SLIT3: variants seen among roughly 807,000 people sequenced by gnomAD.
The protein encoded by SLIT3 is slit homolog 3 protein.
Under a neutral mutation model 184.0 loss-of-function variants are expected in SLIT3, and 68 were observed. The observed-to-expected ratio is 0.37, with a 90% CI of 0.30 to 0.45. The LOEUF (loss-of-function observed/expected upper bound fraction) is 0.45, where lower values mean the gene tolerates loss of function less well. Among genes scored for constraint, SLIT3 ranks in the 20% least tolerant of loss-of-function variants. The probability of loss-of-function intolerance (pLI) is 1.00; values close to 1 mark genes in which losing one functional copy is unlikely to be tolerated. For synonymous variants in SLIT3, 831 were observed against 828.6 expected (o/e 1.00, Z -0.05); for missense variants, 1,707 against 2,026.0 (o/e 0.84, Z 3.02).
At position 168,685,903 on chromosome 5, in the gene SLIT3, T is replaced by G; in HGVS notation, c.3339A>C (p.Pro1113=). 6.2e-7 allele frequency: 1 copy of G among 1,611,476 alleles called. No individual in the cohort carries two copies. Among genetic ancestry groups the G allele is most frequent in the South Asian group, 1.1e-5 (1 of 90,790 alleles). ...GGCTGGTCTGCAGTAGGACCATGGG[T>G]GGGGGGTGTTCACAGAAGGGTCCAC... ...GFSGPFCEHP[P]PMVLLQTSPC... Residue 1113 remains proline (P), a synonymous_variant, in exon 31 of 36, where the codon CCA becomes CCC. Coordinates refer to ENST00000519560, the MANE Select transcript of SLIT3 (RefSeq NM_003062.4).
intron 4 of SLIT3, among the ~76,000 whole-genome samples, chr5:169,185,831 C>A (rs297884): frequency 0.78 from 118,788 of 152,062 alleles, 46,667 homozygotes; most frequent in East Asian, 0.86. Flanking sequence ...GTAACTTCTC[C>A]AAAGTACAGT....
At position 168,666,348 on chromosome 5, in the gene SLIT3, C is replaced by T. The variant is rs1334911918; in HGVS notation, c.*106G>A. On this transcript the variant is annotated 3_prime_UTR_variant, in exon 36 of 36. Coordinates refer to ENST00000519560, the MANE Select transcript of SLIT3 (RefSeq NM_003062.4). Reference sequence around the variant, plus strand: ...TAATATTCTCTTCTTCTTTACCTTCCTCTCCAGCTTCATTTCCTTCATGCT... The same window carrying T: ...TAATATTCTCTTCTTCTTTACCTTCTTCTCCAGCTTCATTTCCTTCATGCT... 1 of 1,083,582 alleles carries T rather than the reference C, an allele frequency of 9.2e-7. No homozygotes were observed. The highest frequency in any genetic ancestry group is 1.3e-6 in the Non-Finnish European group (1 of 795,582). The allele number at this position is 1,083,582 out of a possible 1,614,324, so 67.1% of individuals were successfully genotyped here. A position where few individuals can be genotyped will look rare whatever the true frequency, so the allele number is the denominator to read the frequency against.
intron 20 of SLIT3, 76 bp downstream of exon 20, chr5:168,748,226 G>A: frequency 2.9e-6 from 4 of 1,397,920 alleles, no homozygotes; most frequent in Non-Finnish European, 3.7e-6. Context: ...CCTTGCTTGA[G>A]ATTCTGGGGT....
intron 4 of SLIT3, among the ~76,000 whole-genome samples, chr5:169,029,057 G>A (rs1056050302): frequency 3.3e-5 from 5 of 152,206 alleles, no homozygotes; most frequent in African/African-American, 4.8e-5. Flanking sequence ...AAACCAGATA[G>A]GAGGAGGAAT....
At chr5:169,260,039 C>T in intron 1 of SLIT3, among the ~76,000 whole-genome samples, 1 of 152,134 alleles carries the variant, frequency 6.6e-6, no homozygotes, top group East Asian at 1.9e-4. Context: ...CAAGTTCCCA[C>T]AGCATAGCTA....
intron 6 of SLIT3, among the ~76,000 whole-genome samples, chr5:168,824,333 G>A (rs1760087471): frequency 6.6e-6 from 1 of 152,218 alleles, no homozygotes; most frequent in Admixed American, 6.5e-5. Context: ...TACGGTGCCT[G>A]TTAGCTCTGA....
chr5:168,967,957 C>T (rs1763271463), intron 4 of SLIT3, among the ~76,000 whole-genome samples: 1 of 152,222 alleles, frequency 6.6e-6, no homozygotes, highest in African/African-American at 2.4e-5. Context: ...TTCGTGCCTG[C>T]ACCAGATTCT....
chr5:168,741,368 G>A (rs1763630459), intron 20 of SLIT3, among the ~76,000 whole-genome samples: 1 of 150,952 alleles, frequency 6.6e-6, no homozygotes, highest in Non-Finnish European at 1.5e-5. Flanking sequence ...CTACTCGGGA[G>A]GCTGAGGCAG....
chr5:168,901,788 T>C (rs1760882475), intron 4 of SLIT3, among the ~76,000 whole-genome samples: 1 of 152,198 alleles, frequency 6.6e-6, no homozygotes, highest in South Asian at 2.1e-4. Context: ...GAGGGAAGTC[T>C]GGGTGGAGCA....
intron 4 of SLIT3, among the ~76,000 whole-genome samples, chr5:169,138,693 C>A (rs952189696): frequency 1.3e-5 from 2 of 152,226 alleles, no homozygotes; most frequent in African/African-American, 4.8e-5. Flanking sequence ...GATGGCACTG[C>A]GAGCCTTGCG....
intron 4 of SLIT3, among the ~76,000 whole-genome samples, chr5:169,054,848 GCCTC>G (rs1409461485): frequency 6.6e-6 from 1 of 152,056 alleles, no homozygotes; most frequent in Non-Finnish European, 1.5e-5. Flanking sequence ...CCTTCTGAAG[GCCTC>G]CCTGGAAACC....
At chr5:168,898,560 A>G (rs1187663242) in intron 4 of SLIT3, among the ~76,000 whole-genome samples, 1 of 152,224 alleles carries the variant, frequency 6.6e-6, no homozygotes, top group Non-Finnish European at 1.5e-5. Flanking sequence ...AATATGTTTT[A>G]TAGTTATAAT....
intron 20 of SLIT3, among the ~76,000 whole-genome samples, chr5:168,728,300 A>C (rs980415432): frequency 1.2e-3 from 167 of 140,402 alleles, no homozygotes; most frequent in South Asian, 4.0e-3. Context: ...ATATATATAT[A>C]TCCTCAGAGA....
chr5:169,002,089 A>T (rs1475733881), intron 4 of SLIT3, among the ~76,000 whole-genome samples: 1 of 152,052 alleles, frequency 6.6e-6, no homozygotes, highest in Non-Finnish European at 1.5e-5. Flanking sequence ...CGAGGCAGGC[A>T]GATCACCTGA....
chr5:168,723,798 T>C (rs1159201335), intron 21 of SLIT3, among the ~76,000 whole-genome samples: 3 of 152,124 alleles, frequency 2.0e-5, no homozygotes, highest in Non-Finnish European at 4.4e-5. Context: ...GATGCCTGAG[T>C]TCCATGCCCA....
chr5:168,662,510 A>T lies in SLIT3; in HGVS notation c.*3944T>A, dbSNP rs570381816. 3.3e-5 allele frequency: 5 copies of T among 151,800 alleles called. No homozygotes were observed. The highest frequency in any genetic ancestry group is 9.7e-5 in the African/African-American group (4 of 41,356). 9.4% of individuals were successfully genotyped at this position (151,800 alleles called of 1,614,324 possible). A position where few individuals can be genotyped will look rare whatever the true frequency, so the allele number is the denominator to read the frequency against. On this transcript the variant is annotated 3_prime_UTR_variant, in exon 36 of 36. Transcript: ENST00000519560. ...TATCCCTCTTCTTGCCCTTCTTCTCATCTTTTTGAAGCATCAGACTTGAGT... is the reference window on the plus strand; with the variant it reads ...TATCCCTCTTCTTGCCCTTCTTCTCTTCTTTTTGAAGCATCAGACTTGAGT...
rs969803805 is a variant in SLIT3, at chr5:169,192,455, G to A, written c.413+1024C>T. On this transcript the variant is annotated intron_variant, in intron 4 of 35. Transcript: ENST00000519560. ...TGTGTGTGTGTGTGTGTGTGTGTGT[G>A]TATAGACATATAGAAATATATATTC... 5.5e-3 allele frequency among the ~76,000 whole-genome samples: 817 copies of A among 147,732 alleles called. 7 individuals are homozygous for A. The highest frequency in any genetic ancestry group is 0.019 in the African/African-American group (767 of 40,560).
chr5:168,764,200 A>G (rs142029123), intron 14 of SLIT3, among the ~76,000 whole-genome samples: 1 of 152,364 alleles, frequency 6.6e-6, no homozygotes, highest in Non-Finnish European at 1.5e-5. Context: ...ACAACCTGGC[A>G]GAACATTTGG....
chr5:168,975,735 C>T (rs1461652713), intron 4 of SLIT3, among the ~76,000 whole-genome samples: 1 of 152,194 alleles, frequency 6.6e-6, no homozygotes, highest in Non-Finnish European at 1.5e-5. Flanking sequence ...CTTCCCTCCC[C>T]AGAAGTCCTC....
Sources: allele counts gnomAD v4.1 joint callset (sites outside exome capture counted in the v4.1 genomes callset), GRCh38; gene constraint gnomAD v4.1.1; transcripts MANE v1.5; gene names NCBI Gene and HGNC (gene_info 2026-07-23, HGNC 2026-07-21).